Variants in FCRL1 observed in about 807,000 individuals in gnomAD.
FCRL1 encodes Fc receptor-like protein 1.
In FCRL1, 34 loss-of-function variants were observed where a neutral mutation model predicts 49.2. That is an observed-to-expected ratio of 0.69 (90% CI 0.53 to 0.92). The LOEUF is 0.92. Among genes scored for constraint, FCRL1 ranks in the 40% least tolerant of loss-of-function variants. FCRL1 has a pLI of 0.00. For missense variants in FCRL1, 524 were observed against 524.1 expected (o/e 1.00, Z 0.00); for synonymous variants, 218 against 201.6 (o/e 1.08, Z -0.69).
rs759749487 is a variant in FCRL1 at position 157,802,009 on chromosome 1, A to C, written c.792T>G (p.Leu264=). ...APSGGGASFN[L]SLTEEHSGNY... is the part of the protein sequence containing the mutation. The stretch of plus-strand genomic sequence containing the variant: ...TTCCAGAATGTTCTTCAGTCAGGGA[A>C]AGGTTGAAGGAGGCTCCTCCTCCAG... Residue 264 remains leucine (L), a synonymous_variant, in exon 5 of 11, where the codon CTT becomes CTG. Coordinates refer to ENST00000368176, the MANE Select transcript of FCRL1 (RefSeq NM_052938.5). The C allele has an allele frequency of 6.2e-7, 1 of 1,614,214 alleles. No homozygotes were observed. Among genetic ancestry groups the C allele is most frequent in the Non-Finnish European group, 8.5e-7 (1 of 1,180,024 alleles).
intron 1 of FCRL1, among the ~76,000 whole-genome samples, chr1:157,812,701 C>T (rs1217573654): frequency 6.6e-6 from 1 of 152,164 alleles, no homozygotes; most frequent in Non-Finnish European, 1.5e-5. Flanking sequence ...AATGAACCTG[C>T]ATCCAGGCAC....
Position 157,817,882 on chromosome 1 carries a change from T to A in FCRL1, c.31+2125A>T, listed in dbSNP as rs184219461. On this transcript the variant is annotated intron_variant, in intron 1 of 10. Coordinates refer to ENST00000368176, the MANE Select transcript of FCRL1 (RefSeq NM_052938.5). ...TAATTCTCAAAAGAAGAAATGCAAATGGCCAACAGGTATATGAAAAAATGC... is the reference window on the plus strand; with the variant it reads ...TAATTCTCAAAAGAAGAAATGCAAAAGGCCAACAGGTATATGAAAAAATGC... Among the ~76,000 whole-genome samples the A allele has an allele frequency of 2.2e-3, 333 of 152,118 alleles. 2 individuals carry two copies. The highest frequency in any genetic ancestry group is 6.8e-3 in the Middle Eastern group (2 of 294).
chr1:157,802,721 G>A (rs1571359049), intron 3 of FCRL1, 57 bp from the exon 4 acceptor site: 19 of 1,531,196 alleles, frequency 1.2e-5, no homozygotes, highest in East Asian at 2.3e-5. Context: ...TTCAAAGACA[G>A]TAAGTAGATA....
In FCRL1 at chr1:157,794,525, G is replaced by A. The variant is rs528523254; in HGVS notation, c.*1574C>T. 15 of 152,284 alleles carry A rather than the reference G, an allele frequency of 9.9e-5. No individual in the cohort carries two copies. The South Asian group carries it at 2.5e-3, about 25-fold the overall frequency. 9.4% of individuals were successfully genotyped at this position (152,284 alleles called of 1,614,324 possible). A position where few individuals can be genotyped will look rare whatever the true frequency, so the allele number is the denominator to read the frequency against. On this transcript the variant is annotated 3_prime_UTR_variant, in exon 11 of 11. Coordinates refer to ENST00000368176, the MANE Select transcript of FCRL1 (RefSeq NM_052938.5). ...TATAAATTGATACAGCCTTACCTGA[G>A]AGACATTGAAGACTATTTAACAAGA...
chr1:157,806,157 A>G (rs1008722459), intron 2 of FCRL1, among the ~76,000 whole-genome samples: 15 of 152,194 alleles, frequency 9.9e-5, no homozygotes, highest in Non-Finnish European at 2.9e-5. Context: ...TTTAGGGGTA[A>G]AGATGAGACC....
chr1:157,796,374 G>A (rs753864905), intron 10 of FCRL1, among the ~76,000 whole-genome samples: 4 of 152,236 alleles, frequency 2.6e-5, no homozygotes, highest in Non-Finnish European at 5.9e-5. Flanking sequence ...CTCCTGATAA[G>A]CTGCAAACTG....
chr1:157,804,195 A>C, intron 2 of FCRL1, 84 bp from the exon 3 acceptor site: 1 of 1,529,426 alleles, frequency 6.5e-7, no homozygotes, highest in Non-Finnish European at 8.8e-7. Flanking sequence ...ACTTGCCAAC[A>C]AGACTCAAAG....
intron 6 of FCRL1, 58 bp from the exon 7 acceptor site, chr1:157,800,143 G>T: frequency 6.3e-7 from 1 of 1,575,100 alleles, no homozygotes; most frequent in Non-Finnish European, 8.7e-7. Flanking sequence ...TGTCAGCACT[G>T]TCAGTGTTTT....
intron 9 of FCRL1, 132 bp from the exon 10 acceptor site, chr1:157,797,264 G>C (rs1651658651): frequency 4.0e-6 from 4 of 995,656 alleles, no homozygotes; most frequent in African/African-American, 1.6e-5. Context: ...TTTCTGTCTT[G>C]CTTTTCTGTT....
At chr1:157,797,667 G>T in intron 9 of FCRL1, 1 of 1,377,818 alleles carries the variant, frequency 7.3e-7, no homozygotes, top group Non-Finnish European at 1.0e-6. Context: ...CCATCCCCAG[G>T]GGAAAGAAAG....
rs763105821 is a variant in FCRL1 at position 157,796,081 on chromosome 1, G to A, written c.*18C>T. On this transcript the variant is annotated 3_prime_UTR_variant, in exon 11 of 11. Transcript: ENST00000368176. Reference sequence around the variant, plus strand: ...TGGGGTCATGGATGGTTTTCAAAGAGCAGAATCTTCCATAACCTTACATAG... The same window carrying A: ...TGGGGTCATGGATGGTTTTCAAAGAACAGAATCTTCCATAACCTTACATAG... The A allele has an allele frequency of 5.0e-6, 8 of 1,609,042 alleles. No individual in the cohort carries two copies. The highest frequency in any genetic ancestry group is 2.2e-5 in the South Asian group (2 of 90,982).
At chr1:157,815,840 G>T (rs535670850) in intron 1 of FCRL1, among the ~76,000 whole-genome samples, 1 of 151,930 alleles carries the variant, frequency 6.6e-6, no homozygotes, top group Non-Finnish European at 1.5e-5. Context: ...ATGCAAACAA[G>T]TTGGTAACTT....
At chr1:157,809,541 C>T (rs1009917447) in intron 1 of FCRL1, among the ~76,000 whole-genome samples, 18 of 152,184 alleles carry the variant, frequency 1.2e-4, no homozygotes, top group Non-Finnish European at 2.4e-4. Context: ...CTCCACCTCT[C>T]GGGTTCAAGC....
At chr1:157,802,934 T>G (rs929554029) in intron 3 of FCRL1, among the ~76,000 whole-genome samples, 1 of 152,212 alleles carries the variant, frequency 6.6e-6, no homozygotes, top group African/African-American at 2.4e-5. Flanking sequence ...AAACTTTCAT[T>G]TTTTCAAGAA....
chr1:157,800,004 T>C, intron 7 of FCRL1, 54 bp downstream of exon 7: 2 of 1,544,712 alleles, frequency 1.3e-6, no homozygotes, highest in Non-Finnish European at 1.8e-6. Context: ...CTAAATCTAT[T>C]TTTAAAATAG....
intron 1 of FCRL1, among the ~76,000 whole-genome samples, chr1:157,809,860 G>GT (rs1253407596): frequency 6.6e-6 from 1 of 152,150 alleles, no homozygotes; most frequent in African/African-American, 2.4e-5. Flanking sequence ...GGAATTCAAG[G>GT]TTGCAATGAG....
intron 1 of FCRL1, among the ~76,000 whole-genome samples, chr1:157,807,564 ACT>A (rs1653674432): frequency 1.3e-5 from 2 of 152,038 alleles, no homozygotes; most frequent in Admixed American, 6.6e-5. Context: ...CTTTGGATTG[ACT>A]CTCTCAAGGG....
intron 1 of FCRL1, among the ~76,000 whole-genome samples, chr1:157,811,242 T>TA (rs1278744038): frequency 3.9e-5 from 6 of 151,988 alleles, no homozygotes; most frequent in Admixed American, 6.6e-5. Flanking sequence ...ACTGAAACAA[T>TA]AAGGAAACAA....
chr1:157,796,442 G>T (rs12067002), intron 10 of FCRL1, among the ~76,000 whole-genome samples: 2,571 of 152,208 alleles, frequency 0.017, 63 homozygotes, highest in African/African-American at 0.057. Flanking sequence ...CAGGCCCATG[G>T]GCTGTCATTT....
Sources: gnomAD v4.1 joint callset for allele counts (sites outside exome capture counted in the v4.1 genomes callset) on GRCh38, gnomAD v4.1.1 for gene constraint, MANE v1.5 for transcripts, NCBI Gene and HGNC (gene_info 2026-07-23, HGNC 2026-07-21) for gene names.